Variants in CLIC5 observed in about 807,000 individuals in gnomAD.
The protein encoded by CLIC5 is chloride intracellular channel protein 5.
In CLIC5, 20 loss-of-function variants were observed where a neutral mutation model predicts 24.7. The observed-to-expected ratio is 0.81, with a 90% confidence interval of 0.57 to 1.18. The LOEUF (loss-of-function observed/expected upper bound fraction) is 1.18, where lower values mean the gene tolerates loss of function less well. Among genes scored for constraint, CLIC5 ranks in the 50% most tolerant of loss-of-function variants. The pLI is 0.00. For synonymous variants in CLIC5, 159 were observed against 135.6 expected (o/e 1.17, Z -1.20); for missense variants, 341 against 326.1 (o/e 1.05, Z -0.35).
chr6:45,973,661 G>T (rs553111158), intron 1 of CLIC5, among the ~76,000 whole-genome samples: 1 of 152,176 alleles, frequency 6.6e-6, no homozygotes, highest in Non-Finnish European at 1.5e-5. Flanking sequence ...ATAGGTGGCC[G>T]GGCACAGTGG....
upstream of CLIC5, among the ~76,000 whole-genome samples, chr6:46,081,930 GC>G (rs1421344442): frequency 6.6e-6 from 1 of 152,038 alleles, no homozygotes; most frequent in African/African-American, 2.4e-5. Context: ...TCCCAAAGGA[GC>G]CTTTTCAGAT....
intron 2 of CLIC5, among the ~76,000 whole-genome samples, chr6:45,954,287 A>G (rs527349347): frequency 1.3e-5 from 2 of 151,800 alleles, no homozygotes; most frequent in Admixed American, 6.6e-5. Flanking sequence ...AAAAAAAAAA[A>G]AAAAGAAAGA....
the CLIC5 span, chr6:46,097,170 T>C: frequency 6.6e-6 from 1 of 152,214 alleles, no homozygotes; most frequent in Admixed American, 6.5e-5. Flanking sequence ...CTGATGTCTG[T>C]AGTTGACAGT....
chr6:46,090,762 T>C, the CLIC5 span, among the ~76,000 whole-genome samples: 1 of 152,212 alleles, frequency 6.6e-6, no homozygotes, highest in Non-Finnish European at 1.5e-5. Flanking sequence ...AAATATACAA[T>C]GCATTAAATT....
At chr6:46,104,143 T>C in the CLIC5 span, among the ~76,000 whole-genome samples, 4 of 152,222 alleles carry the variant, frequency 2.6e-5, no homozygotes, top group Non-Finnish European at 5.9e-5. Flanking sequence ...CTTTTTGGTA[T>C]GCATATTCAT....
At chr6:46,080,009 G>C (rs573079402) in exon 1 of CLIC5, 1 of 1,551,694 alleles carries the variant, frequency 6.4e-7, no homozygotes, top group Non-Finnish European at 8.7e-7. Context: ...GGTAGCCTCT[G>C]TCTTCTGACT....
rs149142256 is a variant in CLIC5, at chr6:45,937,061, CA to C, written c.406+4485del. Among the ~76,000 whole-genome samples the C allele has an allele frequency of 2.7e-4, 41 of 150,486 alleles. 1 individual carries two copies. In the South Asian group the frequency reaches 4.4e-3, roughly 16 times the overall value. On this transcript the variant is annotated intron_variant, in intron 4 of 5. Transcript: ENST00000339561. ...GAGCACAGAATCGTCCCTCAGGGAA[CA>C]AAAAAAAATGCAAGGCTGCTGAGGT...
the CLIC5 span, among the ~76,000 whole-genome samples, chr6:46,110,342 C>G: frequency 6.6e-6 from 1 of 152,144 alleles, no homozygotes; most frequent in Non-Finnish European, 1.5e-5. Flanking sequence ...TTTCTCAATC[C>G]TTTTACTCCA....
At position 46,048,871 on chromosome 6, in the gene CLIC5, G is replaced by A. The variant is rs180866840; in HGVS notation, c.540+30832C>T. Among the ~76,000 whole-genome samples the A allele has an allele frequency of 2.9e-3, 439 of 152,254 alleles. 1 individual carries two copies. Among genetic ancestry groups the A allele is most frequent in the Non-Finnish European group, 4.6e-3 (311 of 68,016 alleles). On this transcript the variant is annotated intron_variant, in intron 1 of 5. Transcript: ENST00000185206. ...AGCATCAGAATGCGTGGTTCAGACC[G>A]TGGCCACAGTAGGGAAAATGGACTC...
At chr6:46,006,761 C>T (rs1766600550) in intron 1 of CLIC5, among the ~76,000 whole-genome samples, 1 of 151,416 alleles carries the variant, frequency 6.6e-6, no homozygotes. Flanking sequence ...CTGCAACATC[C>T]ACCTCCCGGG....
At chr6:46,113,852 C>T in the CLIC5 span, among the ~76,000 whole-genome samples, 1 of 152,102 alleles carries the variant, frequency 6.6e-6, no homozygotes, top group Non-Finnish European at 1.5e-5. Context: ...GTGGGGTAAA[C>T]CACATGAAGA....
chr6:45,917,671 T>C (rs2127320006), intron 4 of CLIC5, among the ~76,000 whole-genome samples: 1 of 152,312 alleles, frequency 6.6e-6, no homozygotes, highest in East Asian at 1.9e-4. Flanking sequence ...GGATAGCAAA[T>C]GGCAGTACCC....
At position 45,945,391 on chromosome 6, in the gene CLIC5, G is replaced by T. The variant is rs532443369; in HGVS notation, c.300-3738C>A. 5.9e-5 allele frequency among the ~76,000 whole-genome samples: 9 copies of T among 152,254 alleles called. No homozygotes were observed. The South Asian group carries it at 1.0e-3, about 18-fold the overall frequency. On this transcript the variant is annotated intron_variant, in intron 3 of 5. Coordinates refer to ENST00000339561, the MANE Select transcript of CLIC5 (RefSeq NM_016929.5). ...CCAGCTTCTCTCTCACCTAAGTTGG[G>T]ATCACGTGTGGATTCTGACCAATGG...
chr6:46,032,443 G>C lies in CLIC5; in HGVS notation c.540+47260C>G, dbSNP rs571329017. 3.3e-3 allele frequency among the ~76,000 whole-genome samples: 497 copies of C among 152,302 alleles called. 6 individuals are homozygous for C. Among genetic ancestry groups the C allele is most frequent in the African/African-American group, 0.011 (477 of 41,550 alleles). Reference sequence around the variant, plus strand: ...AAGATTGGGGAGGGAGAACTTTTCAGCTTTTACTTTATGCATTTTTATATC... The same window carrying C: ...AAGATTGGGGAGGGAGAACTTTTCACCTTTTACTTTATGCATTTTTATATC... On this transcript the variant is annotated intron_variant, in intron 1 of 5. Coordinates refer to the CLIC5 transcript ENST00000185206.
intron 1 of CLIC5, among the ~76,000 whole-genome samples, chr6:46,007,538 G>T (rs1338590972): frequency 6.6e-6 from 1 of 152,124 alleles, no homozygotes; most frequent in Non-Finnish European, 1.5e-5. Context: ...CTCCTGATGG[G>T]ACCACTGGGA....
chr6:45,973,372 A>C (rs1167442341), intron 1 of CLIC5, among the ~76,000 whole-genome samples: 1 of 152,230 alleles, frequency 6.6e-6, no homozygotes, highest in East Asian at 1.9e-4. Context: ...AGTTCATAGA[A>C]AGCCTGCCTG....
upstream of CLIC5, among the ~76,000 whole-genome samples, chr6:46,016,930 T>G (rs1398839904): frequency 6.6e-6 from 1 of 152,256 alleles, no homozygotes; most frequent in East Asian, 1.9e-4. Flanking sequence ...ACACACTTAC[T>G]TATTCATTCT....
At chr6:46,006,015 T>C (rs113070492) in intron 1 of CLIC5, among the ~76,000 whole-genome samples, 3,927 of 137,946 alleles carry the variant, frequency 0.028, 211 homozygotes, top group African/African-American at 0.092. Flanking sequence ...TATATATATA[T>C]ACACACATGT....
chr6:45,984,019 T>C (rs1275991471), intron 1 of CLIC5, among the ~76,000 whole-genome samples: 2 of 152,142 alleles, frequency 1.3e-5, no homozygotes, highest in African/African-American at 2.4e-5. Context: ...AGAAAAACCA[T>C]TTTTTGAAAG....
Sources: gnomAD v4.1 joint callset for allele counts (sites outside exome capture counted in the v4.1 genomes callset) on GRCh38, gnomAD v4.1.1 for gene constraint, MANE v1.5 for transcripts, NCBI Gene and HGNC (gene_info 2026-07-23, HGNC 2026-07-21) for gene names.